C8orf34: variants seen among roughly 807,000 people sequenced by gnomAD.
C8orf34 encodes the protein chromosome 8 open reading frame 34, also known as uncharacterized protein C8orf34.
C8orf34 carries 65 observed loss-of-function variants against 68.3 expected under a neutral mutation model. The ratio of observed to expected loss-of-function variants is 0.95; its 90% CI spans 0.78 to 1.17. C8orf34 has a LOEUF of 1.17. Ranked by LOEUF, C8orf34 falls within the 50% of genes most tolerant of loss-of-function variation. The probability of loss-of-function intolerance (pLI) is 0.00; values close to 1 mark genes in which losing one functional copy is unlikely to be tolerated. For missense variants in C8orf34, 664 were observed against 655.4 expected, an observed-to-expected ratio of 1.01 and a Z score of -0.14; for synonymous variants, 244 against 241.2, an observed-to-expected ratio of 1.01 and a Z score of -0.11.
At chr8:68,566,747 G>A (rs1296764007) in intron 7 of C8orf34, among the ~76,000 whole-genome samples, 1 of 152,140 alleles carries the variant, frequency 6.6e-6, no homozygotes, top group Non-Finnish European at 1.5e-5. Context: ...CAGCAATAAG[G>A]CGTTGTGCTT....
At chr8:68,403,461 T>A (rs1809048476) in intron 1 of C8orf34, among the ~76,000 whole-genome samples, 1 of 152,154 alleles carries the variant, frequency 6.6e-6, no homozygotes, top group Non-Finnish European at 1.5e-5. Flanking sequence ...GGTATACACG[T>A]GCCATGGTGG....
chr8:68,733,300 T>G (rs1183276169), intron 10 of C8orf34, among the ~76,000 whole-genome samples: 1 of 152,174 alleles, frequency 6.6e-6, no homozygotes, highest in African/African-American at 2.4e-5. Flanking sequence ...GGAGATGTAA[T>G]AGATTGCTTT....
intron 8 of C8orf34, among the ~76,000 whole-genome samples, chr8:68,696,785 G>A (rs918003580): frequency 6.6e-6 from 1 of 151,968 alleles, no homozygotes; most frequent in African/African-American, 2.4e-5. Flanking sequence ...ACTAAAATTA[G>A]TTATAATTTC....
intron 3 of C8orf34, among the ~76,000 whole-genome samples, chr8:68,456,737 G>A (rs1811569931): frequency 6.6e-6 from 1 of 150,810 alleles, no homozygotes. Flanking sequence ...GTAATGTTTT[G>A]GCATTTTCAA....
chr8:68,689,755 G>A (rs1245820982), intron 8 of C8orf34, among the ~76,000 whole-genome samples: 1 of 151,960 alleles, frequency 6.6e-6, no homozygotes, highest in African/African-American at 2.4e-5. Context: ...TCTGTTTTGG[G>A]TTCTATCTGC....
At chr8:68,483,395 G>A (rs760463347) in intron 4 of C8orf34, among the ~76,000 whole-genome samples, 7 of 152,146 alleles carry the variant, frequency 4.6e-5, no homozygotes, top group African/African-American at 1.7e-4. Flanking sequence ...ATCAGAAGCC[G>A]TGTGTGCCTG....
intron 8 of C8orf34, among the ~76,000 whole-genome samples, chr8:68,689,291 A>T (rs1015877260): frequency 6.6e-6 from 1 of 152,000 alleles, no homozygotes; most frequent in African/African-American, 2.4e-5. Context: ...ATAAAAGACA[A>T]CATATTGGAT....
At chr8:68,399,067 T>C (rs942622336) in intron 1 of C8orf34, among the ~76,000 whole-genome samples, 1 of 152,276 alleles carries the variant, frequency 6.6e-6, no homozygotes, top group African/African-American at 2.4e-5. Context: ...CCATCCTATC[T>C]TTAATATTTT....
intron 7 of C8orf34, among the ~76,000 whole-genome samples, chr8:68,617,196 A>G (rs199855593): frequency 6.6e-6 from 1 of 152,096 alleles, no homozygotes; most frequent in African/African-American, 2.4e-5. Context: ...GCACGTGAGA[A>G]GGGTTTCCTG....
At chr8:68,624,479 A>T (rs1417072575) in intron 7 of C8orf34, among the ~76,000 whole-genome samples, 1 of 152,162 alleles carries the variant, frequency 6.6e-6, no homozygotes, top group East Asian at 1.9e-4. Context: ...CTAAATTTAG[A>T]CAGATCAAAC....
At chr8:68,715,298 T>C (rs1252846125) in intron 9 of C8orf34, among the ~76,000 whole-genome samples, 1 of 152,144 alleles carries the variant, frequency 6.6e-6, no homozygotes, top group Admixed American at 6.6e-5. Flanking sequence ...AAAAAGCTTC[T>C]GCACAGCCAA....
intron 12 of C8orf34, among the ~76,000 whole-genome samples, chr8:68,800,197 A>T (rs1416808150): frequency 6.6e-6 from 1 of 152,198 alleles, no homozygotes; most frequent in Non-Finnish European, 1.5e-5. Flanking sequence ...GTAGCTTTGG[A>T]TTCAAATAAT....
At chr8:68,518,588 T>G (rs1221283847) in intron 5 of C8orf34, among the ~76,000 whole-genome samples, 2 of 152,138 alleles carry the variant, frequency 1.3e-5, no homozygotes, top group African/African-American at 4.8e-5. Flanking sequence ...ATTCTGTTGT[T>G]GGCTTTTGAT....
intron 1 of C8orf34, among the ~76,000 whole-genome samples, chr8:68,386,845 TG>T (rs1224393792): frequency 6.6e-6 from 1 of 152,056 alleles, no homozygotes; most frequent in Non-Finnish European, 1.5e-5. Flanking sequence ...GCAGCATTGC[TG>T]GCTTTTACCA....
chr8:68,683,431 C>A (rs1410128735), intron 8 of C8orf34, among the ~76,000 whole-genome samples: 1 of 151,626 alleles, frequency 6.6e-6, no homozygotes, highest in African/African-American at 2.4e-5. Flanking sequence ...GAGTACTGAT[C>A]TGTTTCTGTA....
intron 5 of C8orf34, among the ~76,000 whole-genome samples, chr8:68,495,616 TATATC>T (rs1199033493): frequency 3.9e-5 from 6 of 152,164 alleles, no homozygotes; most frequent in South Asian, 2.1e-4. Context: ...TCTTAACAAT[TATATC>T]ATATTTATGA....
chr8:68,345,550 A>C (rs1806243739), intron 1 of C8orf34, among the ~76,000 whole-genome samples: 1 of 152,016 alleles, frequency 6.6e-6, no homozygotes, highest in African/African-American at 2.4e-5. Context: ...TAAGCTTAAA[A>C]ATACAAGGAA....
At chr8:68,659,989 T>C (rs1271199551) in intron 8 of C8orf34, among the ~76,000 whole-genome samples, 1 of 152,194 alleles carries the variant, frequency 6.6e-6, no homozygotes, top group African/African-American at 2.4e-5. Flanking sequence ...TTTATTCTTG[T>C]AGTTTACAGT....
rs371298194 is a variant in C8orf34, at chr8:68,716,672, A to G, written c.1328-4689A>G. Among the ~76,000 whole-genome samples, 7 of 152,122 alleles carry G rather than the reference A, an allele frequency of 4.6e-5. No individual in the cohort carries two copies. The East Asian group carries it at 1.2e-3, about 26-fold the overall frequency. ...AGTGCTGGTGAAGTCATAGATGAAA[A>G]GAAACTCGTATAAGGCAGGTATATG... On this transcript the variant is annotated intron_variant, in intron 9 of 13. Transcript: ENST00000518698.
Sources: allele counts gnomAD v4.1 joint callset (sites outside exome capture counted in the v4.1 genomes callset), GRCh38; gene constraint gnomAD v4.1.1; transcripts MANE v1.5; gene names NCBI Gene and HGNC (gene_info 2026-07-23, HGNC 2026-07-21).